The following CUL4B variants were observed in gnomAD, a reference collection of about 807,000 sequenced individuals.
The protein encoded by CUL4B is cullin 4B.
In CUL4B, 1 loss-of-function variant was observed where a neutral mutation model predicts 69.2. That is an observed-to-expected ratio of 0.01 (90% CI 0.01 to 0.07). The LOEUF is 0.07. Ranked by LOEUF, CUL4B falls within the 10% of genes least tolerant of loss-of-function variation. The pLI is 1.00. For missense variants in CUL4B, 328 were observed against 638.8 expected, an observed-to-expected ratio of 0.51 and a Z score of 5.24; for synonymous variants, 237 against 223.2, an observed-to-expected ratio of 1.06 and a Z score of -0.55.
chrX:120,571,778 G>A (rs969702434), exon 3 of CUL4B: 5 of 110,657 alleles, frequency 4.5e-5, no homozygotes, highest in African/African-American at 9.9e-5. Flanking sequence ...CTGCATGGGC[G>A]GGTTCCACAT....
rs778529908 is a variant in CUL4B at position 120,548,509 on chromosome X, C to T, written c.673-1270G>A. On this transcript the variant is annotated intron_variant, in intron 2 of 19. Transcript: ENST00000371322. ...TATAATACCAAGGAATTTTCTCCAA[C>T]ATTTCAGTTTAAGAATAGTTAAATA... Among the ~76,000 whole-genome samples, 3 of 111,475 alleles carry T rather than the reference C, an allele frequency of 2.7e-5. No individual in the cohort carries two copies. The South Asian group carries it at 1.1e-3, about 41-fold the overall frequency.
upstream of CUL4B, among the ~76,000 whole-genome samples, chrX:120,565,980 G>A (rs1480323155): frequency 2.8e-5 from 3 of 107,717 alleles, no homozygotes; most frequent in African/African-American, 6.7e-5. Flanking sequence ...CGCCCGCCTC[G>A]GCCTCCCAAA....
Position 120,537,613 on chromosome X carries a change from G to C in CUL4B, c.1938+511C>G, listed in dbSNP as rs775872231. On this transcript the variant is annotated intron_variant, in intron 14 of 19. Transcript: ENST00000371322. ...TTCCACTTCCCACCTTAGCAACACT[G>C]TGGGGTAAAGAAGTCACTACTAAAA... Among the ~76,000 whole-genome samples, 7 of 111,912 alleles carry C rather than the reference G, an allele frequency of 6.3e-5. No individual in the cohort carries two copies. The East Asian group carries it at 2.0e-3, about 31-fold the overall frequency.
intron 2 of CUL4B, among the ~76,000 whole-genome samples, chrX:120,549,610 G>A (rs897588169): frequency 9.0e-6 from 1 of 111,411 alleles, no homozygotes; most frequent in African/African-American, 3.3e-5. Flanking sequence ...CTTACACCAC[G>A]AGACAAGTCA....
At chrX:120,561,918 G>A (rs1193647600), upstream of CUL4B, among the ~76,000 whole-genome samples, 1 of 111,201 alleles carries the variant, frequency 9.0e-6, no homozygotes, top group African/African-American at 3.3e-5. Context: ...TTATCTCAAG[G>A]CACCACAGAC....
intron 5 of CUL4B, 106 bp downstream of exon 5, chrX:120,545,338 G>A: frequency 3.3e-6 from 2 of 599,514 alleles, no homozygotes; most frequent in Non-Finnish European, 5.5e-6. Flanking sequence ...AGAACCAAAT[G>A]TGAATTTTTA....
chrX:120,552,798 TAAG>T (rs369861461), intron 2 of CUL4B, among the ~76,000 whole-genome samples: 1 of 112,484 alleles, frequency 8.9e-6, no homozygotes, highest in African/African-American at 3.2e-5. Flanking sequence ...GTCACTGGTC[TAAG>T]GAGTGGAGTC....
intron 10 of CUL4B, 57 bp downstream of exon 10, chrX:120,541,545 A>G (rs1923994426): frequency 1.3e-6 from 1 of 795,705 alleles, no homozygotes. Flanking sequence ...GCCAATATGC[A>G]CTCTTGATGT....
chrX:120,532,494 C>T lies in CUL4B; in HGVS notation c.2367G>A (p.Lys789=). ...GTTTGAAATCATCATTACAAATGAA[C>T]TTGTCACCATCTTCAATGTCTTTGC... The part of the protein sequence containing the change: ...PKGKDIEDGD[K]FICNDDFKHK... The change falls in exon 18 of 20, where the codon AAG becomes AAA. Residue 789 remains lysine (K), a synonymous_variant. Coordinates refer to ENST00000371322, the MANE Select transcript of CUL4B (RefSeq NM_001079872.2). 8.3e-7 allele frequency: 1 copy of T among 1,204,548 alleles called. No individual in the cohort carries two copies. The highest frequency in any genetic ancestry group is 1.1e-6 in the Non-Finnish European group (1 of 889,264).
intron 6 of CUL4B, 30 bp downstream of exon 6, chrX:120,544,451 T>G: frequency 8.3e-7 from 1 of 1,202,755 alleles, no homozygotes; most frequent in East Asian, 3.0e-5. Flanking sequence ...AGCAATCAGC[T>G]CTGTATAGTA....
intron 2 of CUL4B, among the ~76,000 whole-genome samples, chrX:120,549,423 G>A (rs912767702): frequency 9.0e-5 from 10 of 111,319 alleles, no homozygotes; most frequent in Non-Finnish European, 1.9e-5. Context: ...GTGGTGGTGT[G>A]CACCAGCTAC....
chrX:120,570,065 TACA>T (rs772626145), downstream of CUL4B, among the ~76,000 whole-genome samples: 46 of 111,998 alleles, frequency 4.1e-4, 1 homozygote, highest in South Asian at 0.017. Flanking sequence ...TCAAGTCTGG[TACA>T]GCAATCTTAG....
chrX:120,559,890 C>T (rs1401634597), intron 1 of CUL4B, 193 bp downstream of exon 1: 2 of 1,140,755 alleles, frequency 1.8e-6, no homozygotes, highest in Non-Finnish European at 2.3e-6. Flanking sequence ...CCGGTGTATG[C>T]TTCAGCACAA....
rs1163443710 is a variant in CUL4B at position 120,545,626 on chromosome X, TA to T, written c.847-110del. 7.6e-6 allele frequency: 4 copies of T among 527,808 alleles called. No individual in the cohort carries two copies. In the African/African-American group the frequency reaches 9.5e-5, roughly 12 times the overall value. 43.5% of individuals were successfully genotyped at this position (527,808 alleles called of 1,213,427 possible). A position where few individuals can be genotyped will look rare whatever the true frequency, so the allele number is the denominator to read the frequency against. ...GAGTTTGTCTGTATATATATTACAT[TA>T]CTAAGATCAAACATGCAGATAAACA... On this transcript the variant is annotated intron_variant, in intron 4 of 19. Transcript: ENST00000371322.
rs1924154493 is a variant in CUL4B at position 120,543,780 on chromosome X, T to C, written c.1203A>G (p.Lys401=). The change falls in exon 8 of 20, where the codon AAA becomes AAG. Residue 401 remains lysine (K), a synonymous_variant. Transcript: ENST00000371322. The stretch of plus-strand genomic sequence containing the variant: ...GTCTGTCTGCTTCTTCTTCTAGACG[T>C]TTGTTAACATGATGTAGATATTCAG... ...EVPEYLHHVN[K]RLEEEADRLI... 8.3e-7 allele frequency: 1 copy of C among 1,198,886 alleles called. No homozygotes were observed. The highest frequency in any genetic ancestry group is 1.1e-6 in the Non-Finnish European group (1 of 884,016).
intron 1 of CUL4B, among the ~76,000 whole-genome samples, chrX:120,558,404 C>T (rs1040578099): frequency 1.8e-5 from 2 of 111,858 alleles, no homozygotes; most frequent in African/African-American, 6.5e-5. Context: ...ATTTAAAGTA[C>T]TGTCTATGTG....
chrX:120,532,365 G>T lies in CUL4B; in HGVS notation c.2439+57C>A. 4.3e-6 allele frequency: 4 copies of T among 935,419 alleles called. No individual in the cohort carries two copies. In the South Asian group the frequency reaches 6.2e-5, roughly 14 times the overall value. The allele number at this position is 935,419 out of a possible 1,213,427, so 77.1% of individuals were successfully genotyped here. A position where few individuals can be genotyped will look rare whatever the true frequency, so the allele number is the denominator to read the frequency against. On this transcript the variant is annotated intron_variant, in intron 18 of 19. Coordinates refer to ENST00000371322, the MANE Select transcript of CUL4B (RefSeq NM_001079872.2). ...AGGTATAAAAATCTTTATATATTTTGATTATTAACATGTATAATTCCAGTG... is the reference window on the plus strand; with the variant it reads ...AGGTATAAAAATCTTTATATATTTTTATTATTAACATGTATAATTCCAGTG...
intron 16 of CUL4B, 72 bp from the exon 17 acceptor site, chrX:120,534,658 GA>G: frequency 1.4e-6 from 1 of 716,390 alleles, no homozygotes; most frequent in Non-Finnish European, 2.2e-6. Flanking sequence ...TCTCTTATAG[GA>G]AAAGCATTTT....
At chrX:120,546,659 T>C (rs1314513922) in intron 3 of CUL4B, 43 bp from the exon 4 acceptor site, 25 of 950,862 alleles carry the variant, frequency 2.6e-5, no homozygotes, top group Non-Finnish European at 3.5e-5. Flanking sequence ...TTGGTACAAG[T>C]CATATGTGCC....
Sources: allele counts gnomAD v4.1 joint callset (sites outside exome capture counted in the v4.1 genomes callset), GRCh38; gene constraint gnomAD v4.1.1; transcripts MANE v1.5; gene names NCBI Gene and HGNC (gene_info 2026-07-23, HGNC 2026-07-21).